Variants in CSMD1 observed in about 807,000 individuals in gnomAD.
CSMD1 encodes the protein CUB and Sushi multiple domains 1, also known as CUB and sushi domain-containing protein 1.
Under a neutral mutation model 417.5 loss-of-function variants are expected in CSMD1, and 213 were observed. That is an observed-to-expected ratio of 0.51 (90% CI 0.46 to 0.57). The LOEUF (loss-of-function observed/expected upper bound fraction) is 0.57. Ranked by LOEUF, CSMD1 falls within the 20% of genes least tolerant of loss-of-function variation. The pLI is 0.00. For missense variants in CSMD1, 6,923 were observed against 4,529.7 expected (o/e 1.53, Z -15.17); for synonymous variants, 2,862 against 1,736.8 (o/e 1.65, Z -16.11).
At chr8:3,788,283 C>T (rs1037613898) in intron 5 of CSMD1, among the ~76,000 whole-genome samples, 4 of 152,146 alleles carry the variant, frequency 2.6e-5, no homozygotes, top group Non-Finnish European at 4.4e-5. Flanking sequence ...TCTTAAGGAA[C>T]TTTTTCATAG....
rs1303317613 is a variant in CSMD1 at position 3,151,513 on chromosome 8, G to T, written c.5915C>A (p.Ala1972Glu). 6.2e-7 allele frequency: 1 copy of T among 1,602,974 alleles called. No individual in the cohort carries two copies. Among genetic ancestry groups the T allele is most frequent in the Non-Finnish European group, 8.5e-7 (1 of 1,171,686 alleles). The change falls in exon 40 of 70, where the codon GCA becomes GAA. Residue 1972 changes from alanine to glutamate, a missense_variant and splice_region_variant. Ala to Glu is a moderately radical substitution (Grantham distance 107, BLOSUM62 -1). Coordinates refer to ENST00000635120, the MANE Select transcript of CSMD1 (RefSeq NM_033225.6). ...GGTGCTCAGCGTCCCTCCACAGGTTGCTGTTAAGTGGACAAGATGTCAGTC... is the reference window on the plus strand; with the variant it reads ...GGTGCTCAGCGTCCCTCCACAGGTTTCTGTTAAGTGGACAAGATGTCAGTC... Reference protein sequence around the residue: ...RWNYPSPLCIATCGGTLSTLG... With the variant: ...RWNYPSPLCIETCGGTLSTLG...
At chr8:3,358,870 T>C (rs1359123780) in intron 21 of CSMD1, among the ~76,000 whole-genome samples, 1 of 152,216 alleles carries the variant, frequency 6.6e-6, no homozygotes, top group Non-Finnish European at 1.5e-5. Context: ...CGTATATATA[T>C]ATTTTTTCCC....
chr8:3,603,719 T>G (rs1801472410), intron 8 of CSMD1, among the ~76,000 whole-genome samples: 1 of 152,256 alleles, frequency 6.6e-6, no homozygotes, highest in African/African-American at 2.4e-5. Flanking sequence ...CAAATTTTCT[T>G]AAAAAACCCC....
intron 15 of CSMD1, among the ~76,000 whole-genome samples, chr8:3,404,197 G>A (rs1239130082): frequency 6.6e-6 from 1 of 152,138 alleles, no homozygotes; most frequent in East Asian, 1.9e-4. Flanking sequence ...AGCCAGGCGT[G>A]GTGGCAGGTG....
At chr8:4,839,191 G>A (rs1009181082) in intron 1 of CSMD1, among the ~76,000 whole-genome samples, 1 of 152,148 alleles carries the variant, frequency 6.6e-6, no homozygotes, top group Non-Finnish European at 1.5e-5. Flanking sequence ...CAAGAAGGAA[G>A]CTCTGTCATG....
At chr8:4,121,225 C>G (rs1358016444) in intron 3 of CSMD1, among the ~76,000 whole-genome samples, 1 of 152,082 alleles carries the variant, frequency 6.6e-6, no homozygotes, top group Non-Finnish European at 1.5e-5. Flanking sequence ...AGCAATTCTC[C>G]TGCCTCAGCC....
At chr8:4,439,562 C>A (rs941755183) in intron 2 of CSMD1, among the ~76,000 whole-genome samples, 3 of 152,074 alleles carry the variant, frequency 2.0e-5, no homozygotes, top group Non-Finnish European at 2.9e-5. Flanking sequence ...AGTTTACTAT[C>A]TGCTGAAAAT....
intron 1 of CSMD1, among the ~76,000 whole-genome samples, chr8:4,935,296 G>A (rs1807536418): frequency 6.6e-6 from 1 of 152,140 alleles, no homozygotes; most frequent in Admixed American, 6.5e-5. Context: ...CCCCATGACT[G>A]AGCTCAGGCA....
intron 58 of CSMD1, 51 bp downstream of exon 58, chr8:2,966,511 TCCCAATGG>T: frequency 6.7e-7 from 1 of 1,496,412 alleles, no homozygotes; most frequent in Admixed American, 1.9e-5. Context: ...TCATTTTTTT[TCCCAATGG>T]AGTGAATTTC....
intron 7 of CSMD1, among the ~76,000 whole-genome samples, chr8:3,635,684 T>C (rs13270387): frequency 0.47 from 70,661 of 149,608 alleles, 16,774 homozygotes; most frequent in Middle Eastern, 0.64. Context: ...GGGGATTCAC[T>C]GTGTTAGCCA....
At chr8:3,773,658 T>G (rs562194143) in intron 5 of CSMD1, among the ~76,000 whole-genome samples, 1 of 152,268 alleles carries the variant, frequency 6.6e-6, no homozygotes, top group African/African-American at 2.4e-5. Context: ...AATTTTGGCC[T>G]TATTCTCTAT....
intron 3 of CSMD1, among the ~76,000 whole-genome samples, chr8:4,051,308 C>CAAAAAAAAAAAAAAAAAAAAAAAAAAA (rs5889012): frequency 1.4e-5 from 2 of 140,546 alleles, no homozygotes; most frequent in African/African-American, 5.5e-5. Flanking sequence ...TTTGAAGACT[C>CAAAAAAAAAAAAAAAAAAAAAAAAAAA]AAAAAAAAAA....
At chr8:4,239,319 G>C (rs1585078469) in intron 3 of CSMD1, among the ~76,000 whole-genome samples, 1 of 152,316 alleles carries the variant, frequency 6.6e-6, no homozygotes, top group South Asian at 2.1e-4. Flanking sequence ...CCAGTGCTAA[G>C]GAGAAGATTC....
intron 3 of CSMD1, among the ~76,000 whole-genome samples, chr8:4,111,245 T>C (rs1348533101): frequency 1.3e-5 from 2 of 152,190 alleles, no homozygotes; most frequent in African/African-American, 2.4e-5. Context: ...TTGCTTTCTA[T>C]TATCATCAGT....
At chr8:3,912,349 A>G (rs1808517008) in intron 5 of CSMD1, among the ~76,000 whole-genome samples, 1 of 152,200 alleles carries the variant, frequency 6.6e-6, no homozygotes. Context: ...CAGTCAAAAC[A>G]TGTATTTAGG....
At chr8:3,284,038 A>G (rs1012894929) in intron 26 of CSMD1, 106 bp downstream of exon 26, 1 of 936,968 alleles carries the variant, frequency 1.1e-6, no homozygotes, top group African/African-American at 1.6e-5. Flanking sequence ...GGCTCAATAA[A>G]TTGCATCTGT....
At chr8:3,843,436 A>G (rs1563137009) in intron 5 of CSMD1, among the ~76,000 whole-genome samples, 1 of 152,192 alleles carries the variant, frequency 6.6e-6, no homozygotes, top group African/African-American at 2.4e-5. Flanking sequence ...AGAGTAATTA[A>G]GAATAACAGC....
chr8:4,189,797 T>C (rs1368799450), intron 3 of CSMD1, among the ~76,000 whole-genome samples: 5 of 152,202 alleles, frequency 3.3e-5, no homozygotes, highest in Non-Finnish European at 7.3e-5. Context: ...TTTTATCTTG[T>C]TGCCATATAT....
At chr8:4,281,657 A>T (rs1249837625) in intron 3 of CSMD1, among the ~76,000 whole-genome samples, 1 of 152,316 alleles carries the variant, frequency 6.6e-6, no homozygotes, top group Admixed American at 6.5e-5. Flanking sequence ...CTTGACATAT[A>T]ATTCTATATA....
Sources: allele counts gnomAD v4.1 joint callset (sites outside exome capture counted in the v4.1 genomes callset), GRCh38; gene constraint gnomAD v4.1.1; transcripts MANE v1.5; gene names NCBI Gene and HGNC (gene_info 2026-07-23, HGNC 2026-07-21).